The following TPO variants were observed in gnomAD, a reference collection of about 807,000 sequenced individuals.
TPO encodes the protein thyroid microsomal antigen.
In TPO, 78 loss-of-function variants were observed where a neutral mutation model predicts 96.9. The observed-to-expected ratio is 0.81, with a 90% CI of 0.67 to 0.97. The LOEUF is 0.97. TPO is among the 50% of genes least tolerant of loss of function. TPO has a pLI of 0.00. For synonymous variants in TPO, 547 were observed against 538.0 expected, an observed-to-expected ratio of 1.02 and a Z score of -0.23; for missense variants, 1,252 against 1,274.8, an observed-to-expected ratio of 0.98 and a Z score of 0.27.
intron 1 of TPO, among the ~76,000 whole-genome samples, chr2:1,393,431 C>A (rs762165740): frequency 2.6e-5 from 4 of 152,188 alleles, no homozygotes; most frequent in Non-Finnish European, 4.4e-5. Flanking sequence ...AGTGACTTTG[C>A]AGAGTTAAGA....
intron 7 of TPO, among the ~76,000 whole-genome samples, chr2:1,462,517 A>AACACACACACACACACACACACACAC (rs35553172): frequency 2.5e-4 from 33 of 131,584 alleles, no homozygotes; most frequent in African/African-American, 1.1e-3. Context: ...TGTGTAGGTA[A>AACACACACACACACACACACACACAC]ACACACACAC....
At chr2:1,526,030 C>T in intron 15 of TPO, among the ~76,000 whole-genome samples, 1 of 141,522 alleles carries the variant, frequency 7.1e-6, no homozygotes, top group African/African-American at 2.6e-5. Flanking sequence ...CCAAATCCGC[C>T]CACTGTGTGC....
chr2:1,453,891 C>A, intron 6 of TPO, 68 bp downstream of exon 6: 1 of 1,608,596 alleles, frequency 6.2e-7, no homozygotes. Context: ...AGGGAAATAG[C>A]CTTTTACTGG....
chr2:1,411,835 G>C (rs1215068498), upstream of TPO, among the ~76,000 whole-genome samples: 1 of 152,152 alleles, frequency 6.6e-6, no homozygotes, highest in Non-Finnish European at 1.5e-5. Context: ...CTAACACTAA[G>C]GCCAGTGGAT....
chr2:1,484,991 T>C (rs1264178605), intron 9 of TPO, 137 bp downstream of exon 9: 15 of 1,393,770 alleles, frequency 1.1e-5, no homozygotes, highest in East Asian at 2.5e-5. Context: ...ATGTGCCATG[T>C]TGGTTTGCTG....
intron 2 of TPO, among the ~76,000 whole-genome samples, chr2:1,416,788 G>A (rs1014679056): frequency 1.3e-5 from 2 of 152,206 alleles, no homozygotes; most frequent in African/African-American, 4.8e-5. Flanking sequence ...GGAAAATGAT[G>A]CCCAATGACT....
chr2:1,505,890 T>C (rs558831378), intron 14 of TPO, among the ~76,000 whole-genome samples: 34 of 151,808 alleles, frequency 2.2e-4, no homozygotes, highest in African/African-American at 8.2e-4. Context: ...ACTTTAAGTT[T>C]TAGGGTACAT....
intron 8 of TPO, among the ~76,000 whole-genome samples, chr2:1,480,776 G>GCATCCGTCCACACCACCTTCCTCCTCCTT (rs1670522779): frequency 2.1e-5 from 2 of 97,024 alleles, no homozygotes; most frequent in Non-Finnish European, 4.9e-5. Context: ...CCCTCCTCCT[G>GCATCCGTCCACACCACCTTCCTCCTCCTT]CATCCGTCCA....
intron 5 of TPO, among the ~76,000 whole-genome samples, chr2:1,445,147 G>A (rs1374428514): frequency 1.3e-5 from 1 of 74,482 alleles, no homozygotes; most frequent in East Asian, 4.3e-4. Context: ...TGCTGCAGGA[G>A]GCACCATGTT....
At chr2:1,448,538 C>G (rs1667030936) in intron 5 of TPO, among the ~76,000 whole-genome samples, 1 of 152,206 alleles carries the variant, frequency 6.6e-6, no homozygotes, top group Non-Finnish European at 1.5e-5. Context: ...TCCTTGCACG[C>G]TGTCCACAGC....
intron 10 of TPO, among the ~76,000 whole-genome samples, chr2:1,491,604 AG>A (rs746542075): frequency 1.3e-5 from 2 of 152,354 alleles, no homozygotes; most frequent in East Asian, 3.9e-4. Context: ...GCATTCTTTT[AG>A]TAAATATTTA....
intron 1 of TPO, among the ~76,000 whole-genome samples, chr2:1,402,068 C>T (rs919701465): frequency 2.0e-5 from 3 of 152,172 alleles, no homozygotes; most frequent in African/African-American, 7.2e-5. Context: ...GAATGTTGCA[C>T]AGACTTCAGG....
chr2:1,537,475 T>TCCCTA (rs1558441400), intron 15 of TPO, among the ~76,000 whole-genome samples: 4 of 93,774 alleles, frequency 4.3e-5, no homozygotes, highest in Non-Finnish European at 8.5e-5. Flanking sequence ...CCTCCTCAAA[T>TCCCTA]TCTTCCACTC....
At chr2:1,436,424 G>A (rs1186060369) in intron 5 of TPO, 40 bp downstream of exon 5, 2 of 1,613,512 alleles carry the variant, frequency 1.2e-6, no homozygotes, top group Admixed American at 1.7e-5. Flanking sequence ...CGTGAAAGTT[G>A]GATCTGAACA....
chr2:1,466,375 G>A (rs1166248222), intron 7 of TPO, among the ~76,000 whole-genome samples: 1 of 152,084 alleles, frequency 6.6e-6, no homozygotes, highest in African/African-American at 2.4e-5. Flanking sequence ...TCCTCTTCTG[G>A]TTTTACTATT....
At chr2:1,455,962 C>T in intron 6 of TPO, 114 bp from the exon 7 acceptor site, 2 of 1,047,312 alleles carry the variant, frequency 1.9e-6, no homozygotes, top group South Asian at 1.4e-5. Flanking sequence ...CTCCTAGGGG[C>T]ACCTGGAGCT....
intron 3 of TPO, among the ~76,000 whole-genome samples, chr2:1,424,419 C>T (rs1558267381): frequency 6.6e-6 from 1 of 152,172 alleles, no homozygotes; most frequent in Non-Finnish European, 1.5e-5. Context: ...CACCACCTTC[C>T]ATCGTGACCT....
In TPO at chr2:1,535,240, C is replaced by G. The variant is rs183938696; in HGVS notation, c.2619-5354C>G. On this transcript the variant is annotated intron_variant, in intron 15 of 16. Coordinates refer to ENST00000329066, the MANE Select transcript of TPO (RefSeq NM_001206744.2). ...CCCATTCTGTGCAACCTCCCCAAAT[C>G]CACCCCACTCTGTGCAACCTCCCAA... 5.5e-3 allele frequency among the ~76,000 whole-genome samples: 647 copies of G among 116,764 alleles called. 32 individuals are homozygous for G. Among genetic ancestry groups the G allele is most frequent in the Non-Finnish European group, 9.5e-3 (512 of 53,972 alleles). The allele number at this position is 116,764 out of a possible 152,430, so 76.6% of individuals were successfully genotyped here. A position where few individuals can be genotyped will look rare whatever the true frequency, so the allele number is the denominator to read the frequency against.
intron 1 of TPO, among the ~76,000 whole-genome samples, chr2:1,408,291 T>C (rs1441063203): frequency 6.6e-6 from 1 of 152,174 alleles, no homozygotes; most frequent in Non-Finnish European, 1.5e-5. Context: ...AAATCAGAGC[T>C]CTCAGGTCAC....
Sources: gnomAD v4.1 joint callset for allele counts (sites outside exome capture counted in the v4.1 genomes callset) on GRCh38, gnomAD v4.1.1 for gene constraint, MANE v1.5 for transcripts, NCBI Gene and HGNC (gene_info 2026-07-23, HGNC 2026-07-21) for gene names.